The following KCNH1 variants were observed in gnomAD, a reference collection of about 807,000 sequenced individuals.
KCNH1 encodes the protein potassium voltage-gated channel subfamily H member 1, also known as voltage-gated delayed rectifier potassium channel KCNH1.
Under a neutral mutation model 69.2 loss-of-function variants are expected in KCNH1, and 27 were observed. The ratio of observed to expected loss-of-function variants is 0.39; its 90% CI spans 0.29 to 0.54. The LOEUF (loss-of-function observed/expected upper bound fraction) is 0.54, where lower values mean the gene tolerates loss of function less well. Among genes scored for constraint, KCNH1 ranks in the 20% least tolerant of loss-of-function variants. The pLI is 0.68. For missense variants in KCNH1, 798 were observed against 1,261.6 expected (o/e 0.63, Z 5.57); for synonymous variants, 456 against 487.7 (o/e 0.93, Z 0.86).
chr1:211,074,254 A>C (rs1690695621), intron 5 of KCNH1, among the ~76,000 whole-genome samples: 1 of 151,886 alleles, frequency 6.6e-6, no homozygotes, highest in African/African-American at 2.4e-5. Flanking sequence ...GATCAGATTA[A>C]AAAGAGGACT....
At chr1:210,856,803 A>ATATATAT (rs1553352203) in intron 7 of KCNH1, among the ~76,000 whole-genome samples, 2 of 129,104 alleles carry the variant, frequency 1.5e-5, no homozygotes, top group Non-Finnish European at 3.2e-5. Flanking sequence ...ATTTATATTT[A>ATATATAT]TATATATATT....
chr1:210,986,651 C>G (rs1688841429), intron 6 of KCNH1, among the ~76,000 whole-genome samples: 1 of 152,338 alleles, frequency 6.6e-6, no homozygotes, highest in Middle Eastern at 3.4e-3. Flanking sequence ...GCTGAGAGAT[C>G]AGCTGTTAGT....
intron 7 of KCNH1, among the ~76,000 whole-genome samples, chr1:210,893,154 T>C (rs1686784440): frequency 6.6e-6 from 1 of 152,198 alleles, no homozygotes; most frequent in African/African-American, 2.4e-5. Context: ...TCATTTTTGG[T>C]TTGTCTGAAA....
intron 5 of KCNH1, chr1:211,063,650 AGAATCCCTT>A (rs1323227846): frequency 6.6e-6 from 1 of 152,292 alleles, no homozygotes; most frequent in Non-Finnish European, 1.5e-5. Context: ...CTGAGGCAGG[AGAATCCCTT>A]GAACCTGGGA....
chr1:211,026,225 CA>C (rs1689680792), intron 5 of KCNH1, among the ~76,000 whole-genome samples: 1 of 152,028 alleles, frequency 6.6e-6, no homozygotes, highest in South Asian at 2.1e-4. Context: ...ATATCTAAAA[CA>C]AATATAAGAT....
chr1:211,059,835 T>A (rs1690397612), intron 5 of KCNH1, among the ~76,000 whole-genome samples: 8 of 152,004 alleles, frequency 5.3e-5, no homozygotes, highest in Admixed American at 5.2e-4. Flanking sequence ...ACTGGACAGA[T>A]CATCTGGACA....
intron 10 of KCNH1, among the ~76,000 whole-genome samples, chr1:210,755,746 T>C (rs1683384997): frequency 6.6e-6 from 1 of 152,180 alleles, no homozygotes; most frequent in Non-Finnish European, 1.5e-5. Flanking sequence ...CAGTGCACCT[T>C]TCTTTCCCTT....
intron 10 of KCNH1, among the ~76,000 whole-genome samples, chr1:210,746,573 T>C (rs528826896): frequency 4.4e-4 from 67 of 151,514 alleles, no homozygotes; most frequent in East Asian, 1.2e-3. Context: ...TTCTTTCTTT[T>C]TTTTTTTAAA....
chr1:211,050,969 C>A (rs1299652293), intron 5 of KCNH1, among the ~76,000 whole-genome samples: 1 of 129,262 alleles, frequency 7.7e-6, no homozygotes, highest in African/African-American at 3.0e-5. Context: ...AGTAAACAAC[C>A]GAGATATTAA....
chr1:210,896,957 T>C (rs1686881686), intron 7 of KCNH1, among the ~76,000 whole-genome samples: 1 of 152,236 alleles, frequency 6.6e-6, no homozygotes, highest in Non-Finnish European at 1.5e-5. Context: ...ACAGCATTTC[T>C]AAACAAGTGT....
chr1:210,844,060 G>T (rs996762668), intron 7 of KCNH1, among the ~76,000 whole-genome samples: 3 of 152,152 alleles, frequency 2.0e-5, no homozygotes, highest in African/African-American at 7.2e-5. Flanking sequence ...AGCAGCAACT[G>T]GTGCCCTTAG....
intron 7 of KCNH1, among the ~76,000 whole-genome samples, chr1:210,823,302 G>A (rs1027725318): frequency 1.3e-5 from 2 of 152,140 alleles, no homozygotes; most frequent in African/African-American, 4.8e-5. Flanking sequence ...CCACAAAAGA[G>A]AACTGATTCC....
chr1:210,918,774 A>T (rs910683127), intron 7 of KCNH1: 1 of 152,222 alleles, frequency 6.6e-6, no homozygotes, highest in African/African-American at 2.4e-5. Context: ...AAAAATGTTT[A>T]TCTAGACCAG....
intron 10 of KCNH1, among the ~76,000 whole-genome samples, chr1:210,724,855 C>T (rs1021029075): frequency 6.6e-6 from 1 of 152,142 alleles, no homozygotes; most frequent in Non-Finnish European, 1.5e-5. Context: ...GTTAATAGTC[C>T]TCATTTTCTA....
At chr1:211,088,597 T>C (rs1187296819) in intron 4 of KCNH1, among the ~76,000 whole-genome samples, 1 of 152,228 alleles carries the variant, frequency 6.6e-6, no homozygotes, top group African/African-American at 2.4e-5. Flanking sequence ...ATATCTGCCA[T>C]GGCATTTGAG....
chr1:210,981,011 G>A (rs1688700306), intron 6 of KCNH1, among the ~76,000 whole-genome samples: 1 of 152,120 alleles, frequency 6.6e-6, no homozygotes, highest in Admixed American at 6.5e-5. Flanking sequence ...TGAATGTGGA[G>A]AGGTTTCATA....
At chr1:210,917,221 G>GAAAGAAAGAAAGAA (rs67344915) in intron 7 of KCNH1, among the ~76,000 whole-genome samples, 278 of 110,052 alleles carry the variant, frequency 2.5e-3, no homozygotes, top group Middle Eastern at 9.2e-3. Context: ...GAGAGAGAGA[G>GAAAGAAAGAAAGAA]AGAGAGAGAG....
chr1:211,108,607 G>C (rs1162159722), intron 1 of KCNH1: 6 of 152,192 alleles, frequency 3.9e-5, no homozygotes. Flanking sequence ...GAAGACAAAA[G>C]ACTTGGAAGA....
At chr1:210,745,773 C>G (rs537392616) in intron 10 of KCNH1, among the ~76,000 whole-genome samples, 1 of 151,988 alleles carries the variant, frequency 6.6e-6, no homozygotes, top group Non-Finnish European at 1.5e-5. Context: ...TTCTAGAAGG[C>G]TTTTCAGGGG....
Sources: allele counts gnomAD v4.1 joint callset (sites outside exome capture counted in the v4.1 genomes callset), GRCh38; gene constraint gnomAD v4.1.1; transcripts MANE v1.5; gene names NCBI Gene and HGNC (gene_info 2026-07-23, HGNC 2026-07-21).